The following HDAC7 variants were observed in gnomAD, a reference collection of about 807,000 sequenced individuals.
The protein encoded by HDAC7 is histone deacetylase 7.
HDAC7 carries 26 observed loss-of-function variants against 115.5 expected under a neutral mutation model. That is an observed-to-expected ratio of 0.23 (90% confidence interval 0.16 to 0.31). The LOEUF (loss-of-function observed/expected upper bound fraction) is 0.31. Among genes scored for constraint, HDAC7 ranks in the 10% least tolerant of loss-of-function variants. The probability of loss-of-function intolerance (pLI) is 1.00; values close to 1 mark genes in which losing one functional copy is unlikely to be tolerated. For missense variants in HDAC7, 1,068 were observed against 1,329.0 expected, an observed-to-expected ratio of 0.80 and a Z score of 3.05; for synonymous variants, 564 against 550.9, an observed-to-expected ratio of 1.02 and a Z score of -0.33.
chr12:47,788,080 C>T lies in HDAC7; in HGVS notation c.2320G>A (p.Gly774Ser), dbSNP rs1177544522. 15 of 1,613,244 alleles carry T rather than the reference C, an allele frequency of 9.3e-6. No individual in the cohort carries two copies. The highest frequency in any genetic ancestry group is 1.1e-5 in the Non-Finnish European group (13 of 1,179,614). ...GCCCCACTCCCCGGGAAGAAGTTGC[C>T]GTCGTCATGGCGATGCAGGGAGATG... is the stretch of plus-strand genomic sequence containing the variant. Reference protein sequence around the residue: ...LYISLHRHDDGNFFPGSGAVD... With the variant: ...LYISLHRHDDSNFFPGSGAVD... The change falls in exon 20 of 26, where the codon GGC becomes AGC. Residue 774 changes from glycine to serine, a missense_variant. Gly to Ser is a moderately conservative substitution (Grantham distance 56, BLOSUM62 0). Around this residue, in one of 6 missense-constraint regions of HDAC7, gnomAD observed 182 missense variants for 301.1 expected, o/e 0.60. Transcript: ENST00000080059.
chr12:47,783,907 G>A, intron 25 of HDAC7, 21 bp from the exon 26 acceptor site: 1 of 1,612,986 alleles, frequency 6.2e-7, no homozygotes, highest in Non-Finnish European at 8.5e-7. Context: ...GGACAAGGGT[G>A]GGATGCTGGA....
Position 47,795,909 on chromosome 12 carries a change from G to A in HDAC7, c.903C>T (p.Ala301=). 6.5e-7 allele frequency: 1 copy of A among 1,548,922 alleles called. No individual in the cohort carries two copies. The change falls in exon 9 of 26, where the codon GCC becomes GCT. Residue 301 remains alanine, a synonymous_variant. Coordinates refer to ENST00000080059, the MANE Select transcript of HDAC7 (RefSeq NM_015401.5). This position sits in a 1 kb window ranked among gnomAD's most constrained non-coding sequence, Gnocchi z 4.3. ...PAITLGLPAP[A]RADSDRRTHP... The stretch of plus-strand genomic sequence containing the variant: ...GGTGGGCACCCCAGCCACTCACCCT[G>A]GCAGGGGCGGGCAGCCCCAGAGTGA...
rs1943908980 is a variant in HDAC7 at position 47,797,317 on chromosome 12, C to G, written c.577+67G>C. The G allele has an allele frequency of 8.1e-7, 1 of 1,234,132 alleles. No homozygotes were observed. Among genetic ancestry groups the G allele is most frequent in the Non-Finnish European group, 1.2e-6 (1 of 846,252 alleles). The allele number at this position is 1,234,132 out of a possible 1,614,324, so 76.4% of individuals were successfully genotyped here. A position where few individuals can be genotyped will look rare whatever the true frequency, so the allele number is the denominator to read the frequency against. ...CCCAGCCCGCCCACCCCTGCACACT[C>G]CTCCCCCATGTCCGAGGCCCTTCCC... On this transcript the variant is annotated intron_variant, in intron 6 of 25. Coordinates refer to ENST00000080059, the MANE Select transcript of HDAC7 (RefSeq NM_015401.5). This position sits in a 1 kb window ranked among gnomAD's most constrained non-coding sequence, Gnocchi z 5.5.
At chr12:47,790,983 T>G in intron 16 of HDAC7, 2 of 554,354 alleles carry the variant, frequency 3.6e-6, no homozygotes, top group South Asian at 4.2e-5. Flanking sequence ...AGCCCCAGCC[T>G]TGGCCCTGCT....
intron 15 of HDAC7, 26 bp downstream of exon 15, chr12:47,791,560 G>A (rs1345064749): frequency 5.0e-6 from 8 of 1,591,118 alleles, no homozygotes; most frequent in Middle Eastern, 1.7e-4. Context: ...AGCTGGCATG[G>A]GGAGACAGGG....
intron 1 of HDAC7, among the ~76,000 whole-genome samples, chr12:47,802,938 C>T (rs1449290521): frequency 6.6e-6 from 1 of 152,202 alleles, no homozygotes; most frequent in Non-Finnish European, 1.5e-5. Context: ...CCTCCCACTG[C>T]CCCATCCTAT....
intron 1 of HDAC7, among the ~76,000 whole-genome samples, chr12:47,816,854 CCT>C (rs772262939): frequency 1.5e-4 from 23 of 152,296 alleles, no homozygotes; most frequent in Non-Finnish European, 3.4e-4. Context: ...GTCCAGCTCC[CCT>C]CTTTCCCTCT....
intron 1 of HDAC7, among the ~76,000 whole-genome samples, chr12:47,810,255 T>C (rs1448127204): frequency 6.6e-6 from 1 of 152,320 alleles, no homozygotes; most frequent in Non-Finnish European, 1.5e-5. Flanking sequence ...CTATATACTG[T>C]TATTATTCTC....
chr12:47,797,859 T>TGG lies in HDAC7; in HGVS notation c.461+248_461+249insCC, dbSNP rs1484884315. ...GTGCAAGAAAAAAGCCAGTAGGGTG[T>TGG]GTGTGTGTGTGTGTGTGTGTGTGTG... On this transcript the variant is annotated intron_variant, in intron 5 of 25. Coordinates refer to ENST00000080059, the MANE Select transcript of HDAC7 (RefSeq NM_015401.5). This position sits in a 1 kb window ranked among gnomAD's most constrained non-coding sequence, Gnocchi z 5.5. Among the ~76,000 whole-genome samples, 1 of 124,938 alleles carries TGG rather than the reference T, an allele frequency of 8.0e-6. No individual in the cohort carries two copies. 82.0% of individuals were successfully genotyped at this position (124,938 alleles called of 152,430 possible).
intron 1 of HDAC7, among the ~76,000 whole-genome samples, chr12:47,818,667 C>A (rs1311511633): frequency 6.6e-6 from 1 of 152,222 alleles, no homozygotes; most frequent in Non-Finnish European, 1.5e-5. Flanking sequence ...CCGCTGAGGG[C>A]CGATGCCCCA....
chr12:47,785,306 C>T (rs779717459), intron 24 of HDAC7, 81 bp downstream of exon 24: 4 of 1,235,948 alleles, frequency 3.2e-6, no homozygotes, highest in South Asian at 1.4e-5. Flanking sequence ...ACCGGAAGCC[C>T]TAGGATCTGG....
rs373121556 is a variant in HDAC7, at chr12:47,797,855, G to GGTGTGTGTGTGTGTGTGT, written c.461+235_461+252dup. ...TCATGTGCAAGAAAAAAGCCAGTAG[G>GGTGTGTGTGTGTGTGTGT]GTGTGTGTGTGTGTGTGTGTGTGTG... is the stretch of plus-strand genomic sequence containing the variant. On this transcript the variant is annotated intron_variant, in intron 5 of 25. Coordinates refer to ENST00000080059, the MANE Select transcript of HDAC7 (RefSeq NM_015401.5). The surrounding 1 kb of genome is among the most constrained non-coding windows in gnomAD (Gnocchi z 5.5). Among the ~76,000 whole-genome samples the GGTGTGTGTGTGTGTGTGT allele has an allele frequency of 7.1e-3, 874 of 123,898 alleles. 5 individuals carry two copies. Among genetic ancestry groups the GGTGTGTGTGTGTGTGTGT allele is most frequent in the Non-Finnish European group, 9.7e-3 (582 of 59,964 alleles). The allele number at this position is 123,898 out of a possible 152,430, so 81.3% of individuals were successfully genotyped here. A position where few individuals can be genotyped will look rare whatever the true frequency, so the allele number is the denominator to read the frequency against.
rs765112092 is a variant in HDAC7 at position 47,786,578 on chromosome 12, CCCTT to C, written c.2572+3_2572+6del. On this transcript the variant is annotated splice_donor_5th_base_variant and intron_variant, in intron 22 of 25. Transcript: ENST00000080059. Reference sequence around the variant, plus strand: ...CCTAACGTCCCCCTCAGCTGAGGCTCCCTTACATTTGGCAGAAACATGGTAGCCA... The same window carrying C: ...CCTAACGTCCCCCTCAGCTGAGGCTCACATTTGGCAGAAACATGGTAGCCA... 8 of 1,598,916 alleles carry C rather than the reference CCCTT, an allele frequency of 5.0e-6. No individual in the cohort carries two copies. Among genetic ancestry groups the C allele is most frequent in the South Asian group, 3.3e-5 (3 of 90,716 alleles).
At chr12:47,794,504 C>A (rs969767511) in intron 12 of HDAC7, among the ~76,000 whole-genome samples, 1 of 152,194 alleles carries the variant, frequency 6.6e-6, no homozygotes, top group Admixed American at 6.5e-5. Context: ...GGACAGACTC[C>A]TTCCTGGAAA....
chr12:47,801,016 C>T (rs1944140491), intron 2 of HDAC7, among the ~76,000 whole-genome samples: 1 of 152,258 alleles, frequency 6.6e-6, no homozygotes, highest in Non-Finnish European at 1.5e-5. Context: ...CTCTTCTGTT[C>T]TCTGACCTTT....
At position 47,791,616 on chromosome 12, in the gene HDAC7, G is replaced by T; in HGVS notation, c.1903C>A (p.Arg635Ser). 6.2e-7 allele frequency: 1 copy of T among 1,609,668 alleles called. No individual in the cohort carries two copies. The highest frequency in any genetic ancestry group is 8.5e-7 in the Non-Finnish European group (1 of 1,178,166). The change falls in exon 15 of 26, where the codon CGC (arginine) becomes AGC (serine). Residue 635 changes from arginine (R) to serine (S), a missense_variant. Arg to Ser is a moderately radical substitution (Grantham distance 110). Transcript: ENST00000080059. The stretch of plus-strand genomic sequence containing the variant: ...AGCTTCCCGTTGTCCAGTTTGAGGC[G>T]GCTGAGCGGGTTGGTGCCGTAGAGG... The part of the protein sequence containing the change: ...VLLYGTNPLS[R>S]LKLDNGKLAG...
At position 47,798,778 on chromosome 12, in the gene HDAC7, T is replaced by C; in HGVS notation, c.258+7A>G. ...GTGGCCCCACATGCAGGGAGCTCCA[T>C]CTTTACCCTCATGGGCTCCACCGAG... is the stretch of plus-strand genomic sequence containing the variant. On this transcript the variant is annotated splice_region_variant and intron_variant, in intron 3 of 25. Coordinates refer to ENST00000080059, the MANE Select transcript of HDAC7 (RefSeq NM_015401.5). This position sits in a 1 kb window ranked among gnomAD's most constrained non-coding sequence, Gnocchi z 4.3. 1 of 1,555,400 alleles carries C rather than the reference T, an allele frequency of 6.4e-7. No homozygotes were observed.
intron 15 of HDAC7, 27 bp downstream of exon 15, chr12:47,791,559 G>A (rs1160350779): frequency 2.0e-5 from 32 of 1,590,348 alleles, no homozygotes; most frequent in Non-Finnish European, 2.5e-5. Context: ...AAGCTGGCAT[G>A]GGGAGACAGG....
chr12:47,786,125 T>G (rs1296360188), intron 22 of HDAC7: 2 of 507,596 alleles, frequency 3.9e-6, no homozygotes, highest in African/African-American at 2.0e-5. Context: ...GGCAGCAAGG[T>G]AGGACCTGAA....
Sources: allele counts gnomAD v4.1 joint callset (sites outside exome capture counted in the v4.1 genomes callset), GRCh38; gene constraint gnomAD v4.1.1; regional missense constraint gnomAD v4.1.1; non-coding constraint Gnocchi (gnomAD v3.1); transcripts MANE v1.5; gene names NCBI Gene and HGNC (gene_info 2026-07-23, HGNC 2026-07-21).